Variants in SRGAP3 observed in about 807,000 individuals in gnomAD.
SRGAP3 encodes the protein SLIT-ROBO Rho GTPase-activating protein 3.
In SRGAP3, 39 loss-of-function variants were observed where a neutral mutation model predicts 121.1. The ratio of observed to expected loss-of-function variants is 0.32; its 90% CI spans 0.25 to 0.42. The LOEUF is 0.42. Ranked by LOEUF, SRGAP3 falls within the 10% of genes least tolerant of loss-of-function variation. SRGAP3 has a pLI of 1.00. For synonymous variants in SRGAP3, 601 were observed against 570.0 expected (o/e 1.05, Z -0.77); for missense variants, 1,213 against 1,470.6 (o/e 0.82, Z 2.86).
At chr3:9,174,576 C>A (rs1238873697) in intron 1 of SRGAP3, among the ~76,000 whole-genome samples, 1 of 152,160 alleles carries the variant, frequency 6.6e-6, no homozygotes, top group Non-Finnish European at 1.5e-5. Context: ...GCACTGAAGG[C>A]GTCATATTGA....
At chr3:9,121,200 G>A (rs951834900) in intron 2 of SRGAP3, among the ~76,000 whole-genome samples, 19 of 151,618 alleles carry the variant, frequency 1.3e-4, no homozygotes, top group African/African-American at 3.6e-4. Flanking sequence ...CCATGCACAC[G>A]CACCCCAGCT....
At chr3:9,351,055 A>G (rs950576991) in intron 1 of SRGAP3, among the ~76,000 whole-genome samples, 1 of 152,116 alleles carries the variant, frequency 6.6e-6, no homozygotes, top group Non-Finnish European at 1.5e-5. Flanking sequence ...TCAACATGCA[A>G]GAGTTCAGGC....
rs570309295 is a variant in SRGAP3 at position 9,291,539 on chromosome 3, A to G, written n.442+34471T>C. On this transcript the variant is annotated intron_variant and non_coding_transcript_variant, in intron 3 of 3. Coordinates refer to the SRGAP3 transcript ENST00000490889. ...GCAATGGTGTATATATCTATGGTCTATTCTCCCAAAAAACAATCAATAAGC... is the reference window on the plus strand; with the variant it reads ...GCAATGGTGTATATATCTATGGTCTGTTCTCCCAAAAAACAATCAATAAGC... Among the ~76,000 whole-genome samples, 5 of 151,922 alleles carry G rather than the reference A, an allele frequency of 3.3e-5. No homozygotes were observed. The South Asian group carries it at 8.3e-4, about 25-fold the overall frequency.
At chr3:9,087,133 T>C (rs1027407004) in intron 3 of SRGAP3, among the ~76,000 whole-genome samples, 2 of 152,156 alleles carry the variant, frequency 1.3e-5, no homozygotes, top group Non-Finnish European at 2.9e-5. Flanking sequence ...TGTATATATA[T>C]GTGTTTGCTG....
chr3:9,001,185 T>C (rs1005809142), intron 18 of SRGAP3, among the ~76,000 whole-genome samples: 9 of 152,182 alleles, frequency 5.9e-5, no homozygotes, highest in Admixed American at 3.3e-4. Context: ...AGGTTGACTA[T>C]AGTTAACAAT....
chr3:9,235,170 C>G (rs563422091), intron 1 of SRGAP3, among the ~76,000 whole-genome samples: 14 of 152,250 alleles, frequency 9.2e-5, no homozygotes, highest in Admixed American at 2.6e-4. Context: ...TATTGATGTT[C>G]TTACTTGACA....
intron 4 of SRGAP3, among the ~76,000 whole-genome samples, chr3:9,070,873 T>TTTGGCAACTACACA (rs1946673619): frequency 6.6e-6 from 1 of 152,142 alleles, no homozygotes; most frequent in African/African-American, 2.4e-5. Flanking sequence ...CAAACTGTAG[T>TTTGGCAACTACACA]AGAGATACAG....
intron 3 of SRGAP3, among the ~76,000 whole-genome samples, chr3:9,101,785 G>A (rs1443202107): frequency 1.3e-5 from 2 of 152,166 alleles, no homozygotes; most frequent in Non-Finnish European, 2.9e-5. Flanking sequence ...GCCACCATAA[G>A]AGTCCTGATC....
upstream of SRGAP3, among the ~76,000 whole-genome samples, chr3:9,252,684 G>A (rs1448399415): frequency 6.6e-6 from 1 of 152,132 alleles, no homozygotes; most frequent in East Asian, 1.9e-4. Context: ...CCCAGCACCA[G>A]GTCCTCACCC....
At chr3:9,064,253 T>C in intron 5 of SRGAP3, 143 bp downstream of exon 5, 1 of 1,091,532 alleles carries the variant, frequency 9.2e-7, no homozygotes. Flanking sequence ...AGATGCTGGC[T>C]ACATTGTCCC....
At chr3:9,085,325 T>C (rs1280437446) in intron 3 of SRGAP3, among the ~76,000 whole-genome samples, 3 of 152,212 alleles carry the variant, frequency 2.0e-5, no homozygotes, top group Non-Finnish European at 4.4e-5. Context: ...TGAGGAGTCA[T>C]TCCATCTTCA....
chr3:8,985,945 G>A lies in SRGAP3; in HGVS notation c.2887-13C>T, dbSNP rs767419483. The A allele has an allele frequency of 6.3e-7, 1 of 1,599,642 alleles. No homozygotes were observed. The highest frequency in any genetic ancestry group is 8.5e-7 in the Non-Finnish European group (1 of 1,179,910). ...TCTTCTCGATGTCCTGGGGACAGAG[G>A]GAGCTGGGGTCAGCACAGTCTGGAG... is the stretch of plus-strand genomic sequence containing the variant. On this transcript the variant is annotated splice_polypyrimidine_tract_variant and intron_variant, in intron 21 of 21. Coordinates refer to ENST00000383836, the MANE Select transcript of SRGAP3 (RefSeq NM_014850.4). This position sits in a 1 kb window ranked among gnomAD's most constrained non-coding sequence, Gnocchi z 5.1.
At chr3:9,025,605 C>A (rs1204517994) in intron 13 of SRGAP3, among the ~76,000 whole-genome samples, 1 of 152,192 alleles carries the variant, frequency 6.6e-6, no homozygotes, top group East Asian at 1.9e-4. Flanking sequence ...GTATCAATAC[C>A]TTTCCTTCCC....
At chr3:9,252,096 G>A (rs1005964388), upstream of SRGAP3, among the ~76,000 whole-genome samples, 1 of 152,124 alleles carries the variant, frequency 6.6e-6, no homozygotes, top group African/African-American at 2.4e-5. Context: ...GAATGGCTTG[G>A]TGTCCACCCC....
At chr3:9,046,915 C>T (rs1230616464) in intron 10 of SRGAP3, among the ~76,000 whole-genome samples, 1 of 151,938 alleles carries the variant, frequency 6.6e-6, no homozygotes, top group Non-Finnish European at 1.5e-5. Context: ...ACTGCAAGCT[C>T]TGCCTCCTGG....
intron 1 of SRGAP3, among the ~76,000 whole-genome samples, chr3:9,128,513 C>T (rs62247023): frequency 0.17 from 26,221 of 152,136 alleles, 2,977 homozygotes; most frequent in African/African-American, 0.33. Flanking sequence ...AAACATTTGA[C>T]TTGTTCAGGT....
chr3:9,345,954 C>A (rs1290428107), intron 1 of SRGAP3, among the ~76,000 whole-genome samples: 2 of 152,150 alleles, frequency 1.3e-5, no homozygotes, highest in Non-Finnish European at 2.9e-5. Context: ...AATCCAAGTT[C>A]TTTAATTCTT....
At chr3:9,170,872 G>A (rs17050141) in intron 1 of SRGAP3, among the ~76,000 whole-genome samples, 10,034 of 152,216 alleles carry the variant, frequency 0.066, 623 homozygotes, top group African/African-American at 0.16. Context: ...CTGTCTCAGC[G>A]CTGGGGGAGC....
chr3:9,301,115 G>T (rs1955047325), intron 3 of SRGAP3, among the ~76,000 whole-genome samples: 1 of 152,212 alleles, frequency 6.6e-6, no homozygotes, highest in Non-Finnish European at 1.5e-5. Flanking sequence ...CCTTGGTGAA[G>T]TTTCGTTTTT....
Sources: gnomAD v4.1 joint callset for allele counts (sites outside exome capture counted in the v4.1 genomes callset) on GRCh38, gnomAD v4.1.1 for gene constraint, Gnocchi (gnomAD v3.1) non-coding constraint, MANE v1.5 for transcripts, NCBI Gene and HGNC (gene_info 2026-07-23, HGNC 2026-07-21) for gene names.